PRKN: variants seen among roughly 807,000 people sequenced by gnomAD.
PRKN encodes the protein parkin RBR E3 ubiquitin protein ligase.
PRKN carries 56 observed loss-of-function variants against 59.5 expected under a neutral mutation model. The ratio of observed to expected loss-of-function variants is 0.94; its 90% CI spans 0.76 to 1.18. PRKN has a LOEUF of 1.18. PRKN is among the 50% of genes most tolerant of loss of function. PRKN has a pLI of 0.00. For missense variants in PRKN, 657 were observed against 596.4 expected, an observed-to-expected ratio of 1.10 and a Z score of -1.06; for synonymous variants, 250 against 222.1, an observed-to-expected ratio of 1.13 and a Z score of -1.12.
intron 2 of PRKN, among the ~76,000 whole-genome samples, chr6:162,309,591 T>C (rs1477837754): frequency 1.3e-5 from 2 of 152,184 alleles, no homozygotes; most frequent in African/African-American, 2.4e-5. Flanking sequence ...ATTTCGATTG[T>C]GCACTGCAGA....
At chr6:162,360,822 G>T (rs1785102034) in intron 2 of PRKN, among the ~76,000 whole-genome samples, 2 of 152,110 alleles carry the variant, frequency 1.3e-5, no homozygotes, top group South Asian at 4.1e-4. Context: ...TAGTGGGTCT[G>T]CACCTCTGAT....
intron 6 of PRKN, among the ~76,000 whole-genome samples, chr6:161,879,117 A>G (rs909870868): frequency 3.3e-5 from 5 of 152,106 alleles, no homozygotes; most frequent in African/African-American, 9.7e-5. Flanking sequence ...CAGCTCCCCA[A>G]GCGATTCTCC....
Position 161,393,443 on chromosome 6 carries a change from T to C in PRKN, c.1084-6566A>G, listed in dbSNP as rs1286488011. Among the ~76,000 whole-genome samples the C allele has an allele frequency of 1.3e-5, 2 of 152,130 alleles. No homozygotes were observed. The highest frequency in any genetic ancestry group is 2.9e-5 in the Non-Finnish European group (2 of 68,028). On this transcript the variant is annotated intron_variant, in intron 9 of 11. Coordinates refer to ENST00000366898, the MANE Select transcript of PRKN (RefSeq NM_004562.3). This position sits in a 1 kb window ranked among gnomAD's most constrained non-coding sequence, Gnocchi z 4.7. Reference sequence around the variant, plus strand: ...TGGTATACATGCTGAGGTAAGTCACTGTCAGCCCCCTTAGACGCTCTGTAC... The same window carrying C: ...TGGTATACATGCTGAGGTAAGTCACCGTCAGCCCCCTTAGACGCTCTGTAC...
chr6:161,523,943 T>C (rs557540673), intron 9 of PRKN, among the ~76,000 whole-genome samples: 3 of 152,274 alleles, frequency 2.0e-5, no homozygotes, highest in East Asian at 1.9e-4. Flanking sequence ...AGACTGGGAA[T>C]AACATTTCCC....
intron 1 of PRKN, chr6:162,727,231 G>C (rs893924157): frequency 5.7e-6 from 1 of 175,950 alleles, no homozygotes; most frequent in African/African-American, 2.4e-5. Context: ...GAGCCCCACA[G>C]AGAGTGGGTC....
At position 162,358,968 on chromosome 6, in the gene PRKN, G is replaced by A. The variant is rs533696862; in HGVS notation, c.171+84342C>T. Reference sequence around the variant, plus strand: ...CCAGATACTGAGGAGACTGAGTCAGGAGAATCATTTGAACCTGGGAGGTGG... The same window carrying A: ...CCAGATACTGAGGAGACTGAGTCAGAAGAATCATTTGAACCTGGGAGGTGG... On this transcript the variant is annotated intron_variant, in intron 2 of 11. Coordinates refer to ENST00000366898, the MANE Select transcript of PRKN (RefSeq NM_004562.3). Among the ~76,000 whole-genome samples the A allele has an allele frequency of 2.9e-4, 44 of 149,682 alleles. No homozygotes were observed. The South Asian group carries it at 8.6e-3, about 29-fold the overall frequency.
At chr6:162,496,307 A>T (rs1389410310) in intron 1 of PRKN, among the ~76,000 whole-genome samples, 1 of 152,216 alleles carries the variant, frequency 6.6e-6, no homozygotes, top group East Asian at 1.9e-4. Context: ...TGCTGGTAGA[A>T]AAGTAAATTT....
chr6:162,447,061 T>C (rs1003062052), intron 1 of PRKN, among the ~76,000 whole-genome samples: 14 of 152,212 alleles, frequency 9.2e-5, no homozygotes, highest in African/African-American at 3.4e-4. Context: ...AACACCAATG[T>C]CTGTTACACA....
Position 161,448,406 on chromosome 6 carries a change from A to G in PRKN, c.1084-61529T>C, listed in dbSNP as rs774951087. 7.9e-5 allele frequency among the ~76,000 whole-genome samples: 12 copies of G among 152,228 alleles called. No individual in the cohort carries two copies. The highest frequency in any genetic ancestry group is 1.5e-4 in the Non-Finnish European group (10 of 68,046). On this transcript the variant is annotated intron_variant, in intron 9 of 11. Coordinates refer to ENST00000366898, the MANE Select transcript of PRKN (RefSeq NM_004562.3). This position sits in a 1 kb window ranked among gnomAD's most constrained non-coding sequence, Gnocchi z 5.1. ...ATGTAATGAAATTGTTCCAAAACAC[A>G]GAAAATACAAAGACTAATGTAATCA...
intron 4 of PRKN, among the ~76,000 whole-genome samples, chr6:162,161,421 T>C (rs1782752775): frequency 6.6e-6 from 1 of 152,190 alleles, no homozygotes; most frequent in African/African-American, 2.4e-5. Context: ...TTTCCACAGT[T>C]TCAGTTACCT....
intron 6 of PRKN, among the ~76,000 whole-genome samples, chr6:161,913,023 A>G (rs1488062865): frequency 6.6e-6 from 1 of 152,002 alleles, no homozygotes; most frequent in Non-Finnish European, 1.5e-5. Flanking sequence ...CTAAAAATAC[A>G]AAAAATTAGC....
chr6:161,535,375 T>C (rs528759200), intron 9 of PRKN, among the ~76,000 whole-genome samples: 1 of 152,184 alleles, frequency 6.6e-6, no homozygotes, highest in Non-Finnish European at 1.5e-5. Flanking sequence ...AAAGAAGTAG[T>C]TTCATGCCAG....
chr6:162,674,468 G>A (rs1340704226), intron 1 of PRKN, among the ~76,000 whole-genome samples: 2 of 152,132 alleles, frequency 1.3e-5, no homozygotes, highest in Non-Finnish European at 2.9e-5. Context: ...GGGAATAATG[G>A]TATTGGAAAG....
intron 1 of PRKN, among the ~76,000 whole-genome samples, chr6:162,722,783 T>C (rs973017799): frequency 1.3e-5 from 2 of 152,174 alleles, no homozygotes; most frequent in Non-Finnish European, 2.9e-5. Flanking sequence ...AATGAAACTA[T>C]GAGGTTTCAA....
In PRKN at chr6:161,594,485, T is replaced by C. The variant is rs955831271; in HGVS notation, c.872-25069A>G. On this transcript the variant is annotated intron_variant, in intron 7 of 11. Coordinates refer to ENST00000366898, the MANE Select transcript of PRKN (RefSeq NM_004562.3). ...CTCTTCCCTTTGAACAACAAATTCA[T>C]GTCACTTCTTTCCAATATCAAGACA... Among the ~76,000 whole-genome samples, 5 of 152,322 alleles carry C rather than the reference T, an allele frequency of 3.3e-5. No individual in the cohort carries two copies. In the East Asian group the frequency reaches 9.7e-4, roughly 29 times the overall value.
In PRKN at chr6:161,362,968, A is replaced by G. The variant is rs989243404; in HGVS notation, c.1168-2763T>C. 1.4e-4 allele frequency among the ~76,000 whole-genome samples: 22 copies of G among 152,226 alleles called. No homozygotes were observed. Among genetic ancestry groups the G allele is most frequent in the African/African-American group, 4.6e-4 (19 of 41,464 alleles). On this transcript the variant is annotated intron_variant, in intron 10 of 11. Coordinates refer to ENST00000366898, the MANE Select transcript of PRKN (RefSeq NM_004562.3). This position sits in a 1 kb window ranked among gnomAD's most constrained non-coding sequence, Gnocchi z 5.2. ...GCCAGAGACAGAGTACTGGCCAGGC[A>G]TGGTGGCTCACACCTGTAATCCCAG...
intron 9 of PRKN, among the ~76,000 whole-genome samples, chr6:161,510,648 T>A (rs1014130753): frequency 6.6e-6 from 1 of 152,240 alleles, no homozygotes; most frequent in Non-Finnish European, 1.5e-5. Flanking sequence ...GCTATTTGCA[T>A]AAGTAACCAG....
chr6:161,463,700 T>C lies in PRKN; in HGVS notation c.1084-76823A>G, dbSNP rs1790318072. On this transcript the variant is annotated intron_variant, in intron 9 of 11. Coordinates refer to ENST00000366898, the MANE Select transcript of PRKN (RefSeq NM_004562.3). This position sits in a 1 kb window ranked among gnomAD's most constrained non-coding sequence, Gnocchi z 4.8. ...GTACTATAAGCTGGAAAGACTTGGC[T>C]GAAACTCAGCCCCAGCTAAAGCAAC... Among the ~76,000 whole-genome samples, 1 of 152,196 alleles carries C rather than the reference T, an allele frequency of 6.6e-6. No individual in the cohort carries two copies. Among genetic ancestry groups the C allele is most frequent in the Non-Finnish European group, 1.5e-5 (1 of 68,038 alleles).
At chr6:162,680,010 T>C (rs995297057) in intron 1 of PRKN, among the ~76,000 whole-genome samples, 2 of 152,180 alleles carry the variant, frequency 1.3e-5, no homozygotes, top group Admixed American at 1.3e-4. Flanking sequence ...AAAATATCAC[T>C]GCCATCTTGT....
Sources: allele counts gnomAD v4.1 joint callset (sites outside exome capture counted in the v4.1 genomes callset), GRCh38; gene constraint gnomAD v4.1.1; non-coding constraint Gnocchi (gnomAD v3.1); transcripts MANE v1.5; gene names NCBI Gene and HGNC (gene_info 2026-07-23, HGNC 2026-07-21).